The following RBFOX1 variants were observed in gnomAD, a reference collection of about 807,000 sequenced individuals.
RBFOX1 encodes RNA binding protein fox-1 homolog 1.
RBFOX1 carries 8 observed loss-of-function variants against 57.7 expected under a neutral mutation model. That is an observed-to-expected ratio of 0.14 (90% CI 0.08 to 0.25). RBFOX1 has a LOEUF of 0.25. Among genes scored for constraint, RBFOX1 ranks in the 10% least tolerant of loss-of-function variants. The pLI is 1.00. For missense variants in RBFOX1, 611 were observed against 548.5 expected, an observed-to-expected ratio of 1.11 and a Z score of -1.14; for synonymous variants, 326 against 222.4, an observed-to-expected ratio of 1.47 and a Z score of -4.15.
intron 4 of RBFOX1, among the ~76,000 whole-genome samples, chr16:7,360,307 A>G (rs143337797): frequency 6.6e-6 from 1 of 152,328 alleles, no homozygotes; most frequent in Non-Finnish European, 1.5e-5. Context: ...ATGTTAGCCA[A>G]ACTGTGGTCA....
chr16:5,724,521 C>G (rs778598938), intron 3 of RBFOX1, among the ~76,000 whole-genome samples: 1 of 152,222 alleles, frequency 6.6e-6, no homozygotes. Flanking sequence ...CATTACCTAC[C>G]CACTGTGAGA....
At chr16:6,805,932 C>G (rs957121700) in intron 3 of RBFOX1, among the ~76,000 whole-genome samples, 4 of 152,104 alleles carry the variant, frequency 2.6e-5, no homozygotes, top group African/African-American at 9.7e-5. Flanking sequence ...TGCTTTAGTT[C>G]TAAACCATAG....
At chr16:5,288,590 G>T (rs1267665849) in intron 1 of RBFOX1, among the ~76,000 whole-genome samples, 2 of 150,860 alleles carry the variant, frequency 1.3e-5, no homozygotes, top group African/African-American at 4.9e-5. Context: ...GTAATCCCTG[G>T]TATTGGATAT....
In RBFOX1 at chr16:6,648,101, C is replaced by T. The variant is rs2098548644; in HGVS notation, c.-63-6502C>T. 2.0e-5 allele frequency among the ~76,000 whole-genome samples: 3 copies of T among 152,276 alleles called. No individual in the cohort carries two copies. In the South Asian group the frequency reaches 6.2e-4, roughly 32 times the overall value. On this transcript the variant is annotated intron_variant, in intron 2 of 15. Transcript: ENST00000550418. ...CAAGTGATCCACCTGCCTTGGCCTCCCAAAGTGCTGGGATTACAGGCATGA... is the reference window on the plus strand; with the variant it reads ...CAAGTGATCCACCTGCCTTGGCCTCTCAAAGTGCTGGGATTACAGGCATGA...
intron 2 of RBFOX1, 28 bp downstream of exon 2, chr16:6,317,085 T>C: frequency 1.3e-6 from 2 of 1,511,718 alleles, no homozygotes; most frequent in Non-Finnish European, 1.8e-6. Flanking sequence ...TGAACATTCA[T>C]TCCATAAATA....
At chr16:6,788,960 C>T (rs1172562236) in intron 3 of RBFOX1, among the ~76,000 whole-genome samples, 1 of 152,110 alleles carries the variant, frequency 6.6e-6, no homozygotes, top group Non-Finnish European at 1.5e-5. Flanking sequence ...CTATTCTTTC[C>T]GCCGCACAAT....
At chr16:7,075,231 C>T (rs2058084395) in intron 4 of RBFOX1, among the ~76,000 whole-genome samples, 1 of 152,172 alleles carries the variant, frequency 6.6e-6, no homozygotes, top group Admixed American at 6.5e-5. Flanking sequence ...TGGGTACCAA[C>T]AGTAAAAGTG....
rs913019509 is a variant in RBFOX1 at position 5,335,199 on chromosome 16, T to G, written c.219+95094T>G. Among the ~76,000 whole-genome samples the G allele has an allele frequency of 4.8e-4, 12 of 24,786 alleles. No individual in the cohort carries two copies. In the Non-Finnish European group the frequency reaches 0.021, roughly 44 times the overall value. The allele number at this position is 24,786 out of a possible 152,430, so 16.3% of individuals were successfully genotyped here. On this transcript the variant is annotated intron_variant, in intron 1 of 2. Coordinates refer to the RBFOX1 transcript ENST00000585867. Reference sequence around the variant, plus strand: ...TTCACCTCTCTGCAATTTAAAAAATTGGGTTCTTTATCTTTTTTCTCATTG... The same window carrying G: ...TTCACCTCTCTGCAATTTAAAAAATGGGGTTCTTTATCTTTTTTCTCATTG...
intron 3 of RBFOX1, among the ~76,000 whole-genome samples, chr16:7,031,099 T>C (rs1159880305): frequency 2.0e-5 from 3 of 152,160 alleles, no homozygotes; most frequent in Non-Finnish European, 2.9e-5. Flanking sequence ...TAAGTAAGAC[T>C]GTAGACTGGG....
chr16:5,449,911 C>T (rs1358807130), intron 1 of RBFOX1, among the ~76,000 whole-genome samples: 1 of 152,194 alleles, frequency 6.6e-6, no homozygotes, highest in African/African-American at 2.4e-5. Flanking sequence ...CCCAGCCCAC[C>T]TCTAGCTTTG....
At chr16:6,851,291 A>T (rs1378433572) in intron 3 of RBFOX1, among the ~76,000 whole-genome samples, 2 of 152,218 alleles carry the variant, frequency 1.3e-5, no homozygotes, top group East Asian at 3.9e-4. Context: ...GTGTGGAGTG[A>T]CAGTAGGGTG....
intron 1 of RBFOX1, among the ~76,000 whole-genome samples, chr16:6,226,162 C>T (rs1447053075): frequency 1.4e-5 from 2 of 147,498 alleles, no homozygotes; most frequent in Admixed American, 1.4e-4. Flanking sequence ...GAATTCGAGA[C>T]CAGCCTGCAA....
At chr16:6,357,591 C>G (rs1949575890) in intron 2 of RBFOX1, among the ~76,000 whole-genome samples, 1 of 151,880 alleles carries the variant, frequency 6.6e-6, no homozygotes, top group Non-Finnish European at 1.5e-5. Flanking sequence ...CGCTGTCTCG[C>G]TCCCTCTTGC....
At chr16:7,029,930 T>G (rs2042357946) in intron 3 of RBFOX1, among the ~76,000 whole-genome samples, 1 of 152,152 alleles carries the variant, frequency 6.6e-6, no homozygotes, top group Non-Finnish European at 1.5e-5. Flanking sequence ...ATGGGAGATT[T>G]GGAGAATGGG....
intron 4 of RBFOX1, among the ~76,000 whole-genome samples, chr16:7,219,148 C>T (rs1006350570): frequency 6.6e-6 from 1 of 152,114 alleles, no homozygotes; most frequent in Non-Finnish European, 1.5e-5. Flanking sequence ...CTCGGAGTAG[C>T]CTTGTTAATT....
intron 4 of RBFOX1, among the ~76,000 whole-genome samples, chr16:7,190,344 G>A (rs1004834199): frequency 1.3e-5 from 2 of 152,106 alleles, no homozygotes; most frequent in Non-Finnish European, 2.9e-5. Context: ...GGGTGACAGA[G>A]ACTCCGCCTC....
intron 4 of RBFOX1, among the ~76,000 whole-genome samples, chr16:7,125,607 C>T (rs775170527): frequency 5.9e-5 from 9 of 152,070 alleles, no homozygotes; most frequent in South Asian, 4.1e-4. Flanking sequence ...ATTTCATCAT[C>T]GCAATAATAT....
chr16:6,980,507 G>C (rs2088466750), intron 3 of RBFOX1, among the ~76,000 whole-genome samples: 1 of 152,122 alleles, frequency 6.6e-6, no homozygotes, highest in South Asian at 2.1e-4. Context: ...TAGGCCCACT[G>C]GTTATCCATG....
chr16:6,937,979 G>T (rs1275180768), intron 3 of RBFOX1, among the ~76,000 whole-genome samples: 2 of 110,778 alleles, frequency 1.8e-5, no homozygotes, highest in Admixed American at 1.2e-4. Context: ...ATTTAGATGG[G>T]TGGGGGTGGG....
Sources: allele counts gnomAD v4.1 joint callset (sites outside exome capture counted in the v4.1 genomes callset), GRCh38; gene constraint gnomAD v4.1.1; transcripts MANE v1.5; gene names NCBI Gene and HGNC (gene_info 2026-07-23, HGNC 2026-07-21).